Variants in HNRNPA1 observed in about 807,000 individuals in gnomAD.
HNRNPA1 encodes heterogeneous nuclear ribonucleoprotein A1, also known as epididymis secretory sperm binding protein.
In HNRNPA1, 7 loss-of-function variants were observed where a neutral mutation model predicts 44.4. That is an observed-to-expected ratio of 0.16 (90% confidence interval 0.09 to 0.30). The LOEUF (loss-of-function observed/expected upper bound fraction) is 0.30, where lower values mean the gene tolerates loss of function less well. Ranked by LOEUF, HNRNPA1 falls within the 10% of genes least tolerant of loss-of-function variation. The pLI is 1.00. For synonymous variants in HNRNPA1, 169 were observed against 160.6 expected (o/e 1.05, Z -0.40); for missense variants, 193 against 465.8 (o/e 0.41, Z 5.39).
chr12:54,282,372 T>G, intron 4 of HNRNPA1, 22 bp from the exon 5 acceptor site: 1 of 1,610,794 alleles, frequency 6.2e-7, no homozygotes, highest in Middle Eastern at 1.6e-4. Context: ...GATACCATGT[T>G]GTATCTATGT....
rs111389155 is a variant in HNRNPA1, at chr12:54,283,236, T to C, written c.907+2T>C. The stretch of plus-strand genomic sequence containing the variant: ...GAGGCGGCTTTGGCGGTGGTAGTGG[T>C]AGGTATCCAGTGATCCAAGTACTTG... On this transcript the variant is annotated splice_donor_variant, in intron 8 of 10. Transcript: ENST00000340913. LOFTEE classifies it high-confidence loss of function. The C allele has an allele frequency of 6.2e-7, 1 of 1,610,602 alleles. No individual in the cohort carries two copies. The highest frequency in any genetic ancestry group is 8.5e-7 in the Non-Finnish European group (1 of 1,178,526).
chr12:54,283,097 G>C lies in HNRNPA1; in HGVS notation c.770G>C (p.Gly257Ala). ...FGNDGGYGGG[G>A]PGYSGGSRGY... ...CTTGTAGGTGGTTATGGAGGAGGCGGCCCTGGTTACTCTGGAGGAAGCAGA... is the reference window on the plus strand; with the variant it reads ...CTTGTAGGTGGTTATGGAGGAGGCGCCCCTGGTTACTCTGGAGGAAGCAGA... Residue 257 changes from glycine (G) to alanine (A), a missense_variant, in exon 8 of 11, where the codon GGC becomes GCC. Gly to Ala is a moderately conservative substitution (Grantham distance 60, BLOSUM62 0). This residue lies in a region of HNRNPA1 where 136 missense variants were observed against 234.4 expected (regional missense o/e 0.58). Transcript: ENST00000340913. The C allele has an allele frequency of 6.2e-7, 1 of 1,613,182 alleles. No homozygotes were observed. The highest frequency in any genetic ancestry group is 1.7e-5 in the Admixed American group (1 of 59,978).
chr12:54,281,670 A>T, intron 2 of HNRNPA1, 125 bp from the exon 3 acceptor site: 1 of 1,078,802 alleles, frequency 9.3e-7, no homozygotes, highest in Non-Finnish European at 1.4e-6. Flanking sequence ...AATCTAGGGT[A>T]GTGGGAAACT....
In HNRNPA1 at chr12:54,284,240, A is replaced by C; in HGVS notation, c.1064-18A>C. 6.2e-7 allele frequency: 1 copy of C among 1,612,050 alleles called. No individual in the cohort carries two copies. Among genetic ancestry groups the C allele is most frequent in the Non-Finnish European group, 8.5e-7 (1 of 1,179,192 alleles). On this transcript the variant is annotated intron_variant, in intron 9 of 10. Coordinates refer to ENST00000340913, the MANE Select transcript of HNRNPA1 (RefSeq NM_031157.4). ...TGTTGGCACTTTGAAACTTTAAAAG[A>C]AAAATTGTACTTTTCAGGTGGCTAT...
At position 54,284,253 on chromosome 12, in the gene HNRNPA1, T is replaced by C. The variant is rs1944230084; in HGVS notation, c.1064-5T>C. The stretch of plus-strand genomic sequence containing the variant: ...AAACTTTAAAAGAAAAATTGTACTT[T>C]TCAGGTGGCTATGGCGGTTCCAGCA... On this transcript the variant is annotated splice_polypyrimidine_tract_variant and splice_region_variant and intron_variant, in intron 9 of 10. Transcript: ENST00000340913. 6.2e-7 allele frequency: 1 copy of C among 1,613,590 alleles called. No individual in the cohort carries two copies. The highest frequency in any genetic ancestry group is 8.5e-7 in the Non-Finnish European group (1 of 1,179,806).
At chr12:54,282,755 CTT>C (rs1565880707) in intron 6 of HNRNPA1, 43 bp from the exon 7 acceptor site, 1 of 1,580,032 alleles carries the variant, frequency 6.3e-7, no homozygotes, top group Non-Finnish European at 8.6e-7. Context: ...CAGAATGTCA[CTT>C]TAAGTCCAAG....
chr12:54,281,377 C>G lies in HNRNPA1; in HGVS notation c.16-9C>G. 6.7e-7 allele frequency: 1 copy of G among 1,496,234 alleles called. No individual in the cohort carries two copies. Among genetic ancestry groups the G allele is most frequent in the South Asian group, 1.2e-5 (1 of 85,682 alleles). The allele number at this position is 1,496,234 out of a possible 1,614,324, so 92.7% of individuals were successfully genotyped here. On this transcript the variant is annotated splice_polypyrimidine_tract_variant and intron_variant, in intron 1 of 10. Transcript: ENST00000340913. ...GCCCATTTAACACTTCCCCCTCCCC[C>G]CACTCTAGTCTCCTAAAGAGCCCGA...
chr12:54,285,868 G>A lies in HNRNPA1; in HGVS notation c.*1324G>A, dbSNP rs1944256565. 6.7e-6 allele frequency: 1 copy of A among 150,286 alleles called. No individual in the cohort carries two copies. The highest frequency in any genetic ancestry group is 1.5e-5 in the Non-Finnish European group (1 of 67,656). The allele number at this position is 150,286 out of a possible 1,614,324, so 9.3% of individuals were successfully genotyped here. A position where few individuals can be genotyped will look rare whatever the true frequency, so the allele number is the denominator to read the frequency against. On this transcript the variant is annotated 3_prime_UTR_variant, in exon 11 of 11. Coordinates refer to ENST00000340913, the MANE Select transcript of HNRNPA1 (RefSeq NM_031157.4). ...TGTGTTGGAAGTTTGGGGAGGAGGAGGGTGGTGGGAGGTGGGTGGGAGGTG... is the reference window on the plus strand; with the variant it reads ...TGTGTTGGAAGTTTGGGGAGGAGGAAGGTGGTGGGAGGTGGGTGGGAGGTG...
In HNRNPA1 at chr12:54,284,285, G is replaced by A. The variant is rs1333745692; in HGVS notation, c.1091G>A (p.Ser364Asn). ...QGGYGGSSSS[S>N]SYGSGRRF Reference sequence around the variant, plus strand: ...GGCTATGGCGGTTCCAGCAGCAGCAGTAGCTATGGCAGTGGCAGAAGATTT... The same window carrying A: ...GGCTATGGCGGTTCCAGCAGCAGCAATAGCTATGGCAGTGGCAGAAGATTT... The change falls in exon 10 of 11, where the codon AGT becomes AAT. Residue 364 changes from serine to asparagine, a missense_variant. Coordinates refer to ENST00000340913, the MANE Select transcript of HNRNPA1 (RefSeq NM_031157.4). 3 of 1,614,092 alleles carry A rather than the reference G, an allele frequency of 1.9e-6. No individual in the cohort carries two copies. The East Asian group carries it at 6.7e-5, about 36-fold the overall frequency.
chr12:54,281,057 GCACACAGGATCTTTGTCTTTT>G, intron 1 of HNRNPA1: 1 of 705,994 alleles, frequency 1.4e-6, no homozygotes, highest in Admixed American at 2.0e-5. Flanking sequence ...AAATTCTTAG[GCACACAGGATCTTTGTCTTTT>G]TTTAAACCTT....
chr12:54,281,068 C>T (rs992712963), intron 1 of HNRNPA1: 2 of 704,654 alleles, frequency 2.8e-6, no homozygotes, highest in Middle Eastern at 2.3e-4. Flanking sequence ...CACACAGGAT[C>T]TTTGTCTTTT....
rs1944247954 is a variant in HNRNPA1, at chr12:54,285,375, G to C, written c.*831G>C. ...AAGCTCTGCCAGGGAATAGAAACTA[G>C]CTGCTGGCTAATGCCGCTCCATAAA... On this transcript the variant is annotated 3_prime_UTR_variant, in exon 11 of 11. Transcript: ENST00000340913. The C allele has an allele frequency of 6.6e-6, 1 of 152,228 alleles. No individual in the cohort carries two copies. Among genetic ancestry groups the C allele is most frequent in the Admixed American group, 6.5e-5 (1 of 15,280 alleles). 9.4% of individuals were successfully genotyped at this position (152,228 alleles called of 1,614,324 possible). A position where few individuals can be genotyped will look rare whatever the true frequency, so the allele number is the denominator to read the frequency against.
chr12:54,283,618 C>T (rs1944215558), intron 8 of HNRNPA1, 194 bp from the exon 9 acceptor site: 1 of 631,646 alleles, frequency 1.6e-6, no homozygotes. Context: ...GTGAGTTAGG[C>T]CAGTTTTCTT....
rs1292679102 is a variant in HNRNPA1, at chr12:54,282,756, T to C, written c.677-44T>C. On this transcript the variant is annotated intron_variant, in intron 6 of 10. Coordinates refer to ENST00000340913, the MANE Select transcript of HNRNPA1 (RefSeq NM_031157.4). ...ACGGGAACTGCATTCAGAATGTCACTTTAAGTCCAAGTCATACTTAAAACT... is the reference window on the plus strand; with the variant it reads ...ACGGGAACTGCATTCAGAATGTCACCTTAAGTCCAAGTCATACTTAAAACT... 3.2e-6 allele frequency: 5 copies of C among 1,581,804 alleles called. No homozygotes were observed. In the South Asian group the frequency reaches 4.6e-5, roughly 14 times the overall value.
rs1007078649 is a variant in HNRNPA1 at position 54,285,646 on chromosome 12, G to A, written c.*1102G>A. The A allele has an allele frequency of 1.3e-5, 2 of 152,070 alleles. No homozygotes were observed. Among genetic ancestry groups the A allele is most frequent in the African/African-American group, 4.8e-5 (2 of 41,460 alleles). 9.4% of individuals were successfully genotyped at this position (152,070 alleles called of 1,614,324 possible). A position where few individuals can be genotyped will look rare whatever the true frequency, so the allele number is the denominator to read the frequency against. On this transcript the variant is annotated 3_prime_UTR_variant, in exon 11 of 11. Transcript: ENST00000340913. ...CTGCAGTTTCCCTTTATGGCACAAG[G>A]GGTCACACAACCTACCTAAAATGTT...
Position 54,283,825 on chromosome 12 carries a change from AGGT to A in HNRNPA1, c.927_929del (p.Gly310del), listed in dbSNP as rs767940373. ...TCCCATTCATAGGAAGCAATTTTGG[AGGT>A]GGTGGAAGCTACAATGATTTTGGGA... On this transcript the variant is annotated inframe_deletion, in exon 9 of 11. Coordinates refer to ENST00000340913, the MANE Select transcript of HNRNPA1 (RefSeq NM_031157.4). The A allele has an allele frequency of 1.9e-6, 3 of 1,613,798 alleles. No individual in the cohort carries two copies. Among genetic ancestry groups the A allele is most frequent in the African/African-American group, 2.7e-5 (2 of 74,916 alleles).
At chr12:54,284,500 G>A (rs755142260) in intron 10 of HNRNPA1, 49 bp from the exon 11 acceptor site, 2 of 725,368 alleles carry the variant, frequency 2.8e-6, no homozygotes, top group Middle Eastern at 2.3e-4. Flanking sequence ...TTGTAGCCTT[G>A]AGTCTTAATA....
rs376708917 is a variant in HNRNPA1 at position 54,280,736 on chromosome 12, G to A, written c.-72G>A. ...CGAAGGTAGGCTGGCAGATACGTTC[G>A]TCAGCTTGCTCCTTTCTGCCCGTGG... On this transcript the variant is annotated 5_prime_UTR_variant, in exon 1 of 11. Coordinates refer to ENST00000340913, the MANE Select transcript of HNRNPA1 (RefSeq NM_031157.4). 4.4e-4 allele frequency: 689 copies of A among 1,582,658 alleles called. 1 individual carries two copies. The highest frequency in any genetic ancestry group is 6.3e-4 in the African/African-American group (47 of 74,316).
chr12:54,281,245 A>G, intron 1 of HNRNPA1, 141 bp from the exon 2 acceptor site: 4 of 724,352 alleles, frequency 5.5e-6, no homozygotes, highest in Non-Finnish European at 7.6e-6. Context: ...GCCTCCCTTG[A>G]TAGGCAGAAG....
Sources: allele counts gnomAD v4.1 joint callset, GRCh38; gene constraint gnomAD v4.1.1; regional missense constraint gnomAD v4.1.1; transcripts MANE v1.5; gene names NCBI Gene and HGNC (gene_info 2026-07-23, HGNC 2026-07-21).